The following CRAMP1 variants were observed in gnomAD, a reference collection of about 807,000 sequenced individuals.
CRAMP1 encodes cramped chromatin regulator 1, also known as protein cramped-like.
A neutral mutation model predicts 115.4 loss-of-function variants in CRAMP1; 50 were observed. The ratio of observed to expected loss-of-function variants is 0.43; its 90% CI spans 0.35 to 0.55. CRAMP1 has a LOEUF of 0.55. Among genes scored for constraint, CRAMP1 ranks in the 20% least tolerant of loss-of-function variants. The probability of loss-of-function intolerance (pLI) is 0.01; values close to 1 mark genes in which losing one functional copy is unlikely to be tolerated. For synonymous variants in CRAMP1, 866 were observed against 745.4 expected (o/e 1.16, Z -2.64); for missense variants, 1,679 against 1,721.7 (o/e 0.98, Z 0.44).
In CRAMP1 at chr16:1,624,237, C is replaced by T. The variant is rs961240769; in HGVS notation, c.347-1736C>T. ...GCACGATCTCTGCTCACTGCAACCT[C>T]CACCTCCAAATTTGGAGACAGACCC... On this transcript the variant is annotated intron_variant, in intron 2 of 20. Transcript: ENST00000397412. 5.3e-5 allele frequency among the ~76,000 whole-genome samples: 8 copies of T among 151,950 alleles called. 1 individual carries two copies.
chr16:1,654,126 G>A (rs1185313954), intron 8 of CRAMP1, among the ~76,000 whole-genome samples: 2 of 145,100 alleles, frequency 1.4e-5, no homozygotes, highest in African/African-American at 5.1e-5. Context: ...CTGGGCCACA[G>A]AGCAAGATTC....
chr16:1,638,429 C>T (rs1472845535), intron 5 of CRAMP1, among the ~76,000 whole-genome samples: 2 of 152,224 alleles, frequency 1.3e-5, no homozygotes, highest in African/African-American at 4.8e-5. Context: ...CTTAGAGCGG[C>T]CGCACTGCCT....
rs1410253594 is a variant in CRAMP1 at position 1,656,338 on chromosome 16, T to C, written c.1581T>C (p.Pro527=). 1 of 1,609,544 alleles carries C rather than the reference T, an allele frequency of 6.2e-7. No homozygotes were observed. Among genetic ancestry groups the C allele is most frequent in the Non-Finnish European group, 8.5e-7 (1 of 1,178,496 alleles). ...QDTGPCLEKT[P]AEGRDSPTRE... ...CTGGGCCATGTCTTGAGAAGACCCC[T>C]GCAGAAGGCAGGGACAGTCCCACCC... The change falls in exon 10 of 21, where the codon CCT becomes CCC. Residue 527 remains proline (P), a synonymous_variant. Coordinates refer to ENST00000397412, the MANE Select transcript of CRAMP1 (RefSeq NM_020825.4). This position sits in a 1 kb window ranked among gnomAD's most constrained non-coding sequence, Gnocchi z 5.6.
chr16:1,654,180 A>G (rs2142196743), intron 8 of CRAMP1, among the ~76,000 whole-genome samples: 1 of 151,304 alleles, frequency 6.6e-6, no homozygotes, highest in East Asian at 1.9e-4. Flanking sequence ...TAAAATTCAC[A>G]TATCATAAAA....
intron 13 of CRAMP1, among the ~76,000 whole-genome samples, chr16:1,663,214 C>T (rs1002467976): frequency 2.6e-5 from 4 of 152,122 alleles, no homozygotes; most frequent in Non-Finnish European, 5.9e-5. Flanking sequence ...CAGGAGTCCC[C>T]GAGGATGCCG....
At chr16:1,670,554 G>T in intron 19 of CRAMP1, 110 bp from the exon 20 acceptor site, 1 of 1,200,100 alleles carries the variant, frequency 8.3e-7, no homozygotes, top group Non-Finnish European at 1.2e-6. Context: ...ATTGGGGCCG[G>T]GGCCGGGGCT....
intron 6 of CRAMP1, among the ~76,000 whole-genome samples, chr16:1,641,878 TG>T (rs1197181203): frequency 6.7e-6 from 1 of 150,100 alleles, no homozygotes. Flanking sequence ...CTCCGCAGCC[TG>T]GGGGGTCCCC....
chr16:1,651,470 G>A (rs2036722319), intron 6 of CRAMP1, among the ~76,000 whole-genome samples: 1 of 150,418 alleles, frequency 6.6e-6, no homozygotes, highest in Admixed American at 6.6e-5. Context: ...GTGGACTGAG[G>A]TCACACACAG....
At chr16:1,613,095 G>T (rs1267272141) in intron 1 of CRAMP1, among the ~76,000 whole-genome samples, 1 of 152,150 alleles carries the variant, frequency 6.6e-6, no homozygotes, top group Admixed American at 6.5e-5. Context: ...TCCCTGGGCA[G>T]CGGGGTTCTC....
At chr16:1,670,586 C>T (rs2036913836) in intron 19 of CRAMP1, 78 bp from the exon 20 acceptor site, 9 of 1,525,920 alleles carry the variant, frequency 5.9e-6, no homozygotes, top group South Asian at 1.2e-5. Flanking sequence ...TGGCTGCCCC[C>T]AGCCTCAGGA....
rs930521451 is a variant in CRAMP1, at chr16:1,652,720, A to G, written c.913+139A>G. 86 of 766,260 alleles carry G rather than the reference A, an allele frequency of 1.1e-4. No homozygotes were observed. In the African/African-American group the frequency reaches 1.4e-3, roughly 12 times the overall value. The allele number at this position is 766,260 out of a possible 1,614,324, so 47.5% of individuals were successfully genotyped here. On this transcript the variant is annotated intron_variant, in intron 7 of 20. Transcript: ENST00000397412. Reference sequence around the variant, plus strand: ...TTAATCCCAGGGCTGCACATGGACCACTCTTGAACTTGAAATGCTCCCTAC... The same window carrying G: ...TTAATCCCAGGGCTGCACATGGACCGCTCTTGAACTTGAAATGCTCCCTAC...
At chr16:1,630,854 G>A (rs571320644) in intron 3 of CRAMP1, among the ~76,000 whole-genome samples, 1 of 152,370 alleles carries the variant, frequency 6.6e-6, no homozygotes, top group Admixed American at 6.5e-5. Flanking sequence ...ACGCATTTCT[G>A]TCAAGAATTC....
intron 4 of CRAMP1, among the ~76,000 whole-genome samples, chr16:1,633,388 C>T (rs537364048): frequency 5.9e-5 from 9 of 152,366 alleles, no homozygotes; most frequent in East Asian, 3.9e-4. Flanking sequence ...AGATTGTCAC[C>T]GTTTCTGGAG....
At chr16:1,667,305 C>A in intron 16 of CRAMP1, 30 bp from the exon 17 acceptor site, 2 of 1,601,668 alleles carry the variant, frequency 1.2e-6, no homozygotes, top group Non-Finnish European at 1.7e-6. Flanking sequence ...GTGCACCCTG[C>A]GGCTGCTCAT....
intron 3 of CRAMP1, among the ~76,000 whole-genome samples, chr16:1,627,866 C>A (rs1317854830): frequency 1.3e-5 from 2 of 152,268 alleles, no homozygotes; most frequent in East Asian, 3.9e-4. Flanking sequence ...GGAATGTTTT[C>A]AGAATCAGCA....
Position 1,614,542 on chromosome 16 carries a change from G to T in CRAMP1, c.-1-97G>T. On this transcript the variant is annotated intron_variant, in intron 1 of 20. Transcript: ENST00000397412. This position sits in a 1 kb window ranked among gnomAD's most constrained non-coding sequence, Gnocchi z 4.4. ...GGCCGAGCCGCCGAGAGGGGATTTG[G>T]AACAAACAACGGCGGCCATGTTGAG... is the stretch of plus-strand genomic sequence containing the variant. 1 of 731,092 alleles carries T rather than the reference G, an allele frequency of 1.4e-6. No homozygotes were observed. The highest frequency in any genetic ancestry group is 1.8e-6 in the Non-Finnish European group (1 of 547,044). The allele number at this position is 731,092 out of a possible 1,614,324, so 45.3% of individuals were successfully genotyped here.
At chr16:1,619,424 G>A (rs1306619106) in intron 2 of CRAMP1, among the ~76,000 whole-genome samples, 7 of 152,082 alleles carry the variant, frequency 4.6e-5, no homozygotes, top group East Asian at 1.9e-4. Context: ...CAGGTGATCC[G>A]CCTGCCTCGG....
chr16:1,625,097 C>G (rs1388360215), intron 2 of CRAMP1, among the ~76,000 whole-genome samples: 1 of 152,068 alleles, frequency 6.6e-6, no homozygotes, highest in Non-Finnish European at 1.5e-5. Context: ...TCCTGCAGTT[C>G]CATAAAAAGA....
Position 1,671,479 on chromosome 16 carries a change from G to C in CRAMP1, c.3645+670G>C, listed in dbSNP as rs1271511015. 6.6e-6 allele frequency among the ~76,000 whole-genome samples: 1 copy of C among 152,200 alleles called. No individual in the cohort carries two copies. Among genetic ancestry groups the C allele is most frequent in the Non-Finnish European group, 1.5e-5 (1 of 68,034 alleles). ...CCACCACATGGTTTGTGTGGCATTC[G>C]TGGGCAGGTCAGGCTTGCAGGGTGA... On this transcript the variant is annotated intron_variant, in intron 20 of 20. Coordinates refer to ENST00000397412, the MANE Select transcript of CRAMP1 (RefSeq NM_020825.4). This position sits in a 1 kb window ranked among gnomAD's most constrained non-coding sequence, Gnocchi z 5.0.
Sources: gnomAD v4.1 joint callset for allele counts (sites outside exome capture counted in the v4.1 genomes callset) on GRCh38, gnomAD v4.1.1 for gene constraint, Gnocchi (gnomAD v3.1) non-coding constraint, MANE v1.5 for transcripts, NCBI Gene and HGNC (gene_info 2026-07-23, HGNC 2026-07-21) for gene names.